CCSER1: variants seen among roughly 807,000 people sequenced by gnomAD.
CCSER1 encodes the protein serine-rich coiled-coil domain-containing protein 1.
In CCSER1, 41 loss-of-function variants were observed where a neutral mutation model predicts 82.0. That is an observed-to-expected ratio of 0.50 (90% CI 0.39 to 0.65). The LOEUF is 0.65. Among genes scored for constraint, CCSER1 ranks in the 30% least tolerant of loss-of-function variants. CCSER1 has a pLI of 0.00. For missense variants in CCSER1, 1,119 were observed against 1,064.2 expected (o/e 1.05, Z -0.72); for synonymous variants, 414 against 383.9 (o/e 1.08, Z -0.92).
chr4:90,937,480 A>AACACACACACACACACACACAC lies in CCSER1; in HGVS notation c.2172+14035_2172+14056dup, dbSNP rs148799317. 2.0e-3 allele frequency among the ~76,000 whole-genome samples: 286 copies of AACACACACACACACACACACAC among 146,134 alleles called. 2 individuals are homozygous for AACACACACACACACACACACAC. The highest frequency in any genetic ancestry group is 6.0e-3 in the Admixed American group (88 of 14,772). On this transcript the variant is annotated intron_variant, in intron 9 of 10. Coordinates refer to ENST00000509176, the MANE Select transcript of CCSER1 (RefSeq NM_001145065.2). ...ACGTCGTGTTGTATTTCTAATTTGA[A>AACACACACACACACACACACAC]ACACACACACACACACACACACAAA...
chr4:91,296,987 C>G (rs1255971522), intron 10 of CCSER1, among the ~76,000 whole-genome samples: 2 of 150,890 alleles, frequency 1.3e-5, no homozygotes, highest in Admixed American at 6.6e-5. Flanking sequence ...TAAAAAAAAA[C>G]AGGACAAGAT....
chr4:90,811,983 T>TATAAACACACACACACAC (rs1554019020), intron 7 of CCSER1, among the ~76,000 whole-genome samples: 1 of 124,574 alleles, frequency 8.0e-6, no homozygotes, highest in Non-Finnish European at 1.7e-5. Context: ...TATATATATA[T>TATAAACACACACACACAC]ATATATAAAC....
intron 5 of CCSER1, among the ~76,000 whole-genome samples, chr4:90,563,851 G>A (rs1430810406): frequency 6.6e-6 from 1 of 152,070 alleles, no homozygotes; most frequent in Admixed American, 6.5e-5. Context: ...ATTTTTTGAG[G>A]AGATTCCATA....
chr4:91,135,985 A>G (rs1728433011), intron 10 of CCSER1, among the ~76,000 whole-genome samples: 1 of 152,220 alleles, frequency 6.6e-6, no homozygotes, highest in East Asian at 1.9e-4. Context: ...GTTGCCAGAC[A>G]TGAAAATTTT....
intron 10 of CCSER1, among the ~76,000 whole-genome samples, chr4:91,558,677 A>C (rs1183275986): frequency 6.6e-6 from 1 of 151,570 alleles, no homozygotes; most frequent in Non-Finnish European, 1.5e-5. Context: ...GTGGCAAGAG[A>C]AAAATGAGAA....
chr4:90,944,700 T>C (rs902108014), intron 9 of CCSER1, among the ~76,000 whole-genome samples: 5 of 152,222 alleles, frequency 3.3e-5, no homozygotes, highest in African/African-American at 4.8e-5. Context: ...AATAAGTCCT[T>C]AACCTGGGAC....
intron 9 of CCSER1, among the ~76,000 whole-genome samples, chr4:90,970,155 A>G (rs942726138): frequency 1.3e-5 from 2 of 151,850 alleles, no homozygotes; most frequent in African/African-American, 4.8e-5. Flanking sequence ...AAAAATAGAT[A>G]GAGTGGGTGA....
intron 4 of CCSER1, among the ~76,000 whole-genome samples, chr4:90,457,957 G>A (rs371653036): frequency 6.6e-6 from 1 of 152,118 alleles, no homozygotes. Flanking sequence ...AGAGGGGCTC[G>A]AGACAGCAGG....
At chr4:90,155,700 G>C (rs1252647416) in intron 1 of CCSER1, among the ~76,000 whole-genome samples, 10 of 152,144 alleles carry the variant, frequency 6.6e-5, no homozygotes, top group Non-Finnish European at 1.5e-4. Context: ...ATGGTAGTTT[G>C]TATTTCTGTG....
chr4:90,714,793 A>G (rs1025825293), intron 6 of CCSER1, among the ~76,000 whole-genome samples: 2 of 152,062 alleles, frequency 1.3e-5, no homozygotes, highest in African/African-American at 4.8e-5. Context: ...AACCAATACC[A>G]CTATCAATAA....
At chr4:90,872,155 CATTTGG>C (rs1766605542) in intron 8 of CCSER1, among the ~76,000 whole-genome samples, 2 of 151,456 alleles carry the variant, frequency 1.3e-5, no homozygotes, top group Admixed American at 1.3e-4. Context: ...GAGTTTAGTC[CATTTGG>C]ATTCAATGTT....
intron 10 of CCSER1, among the ~76,000 whole-genome samples, chr4:91,540,541 A>C (rs1578736226): frequency 6.6e-6 from 1 of 152,158 alleles, no homozygotes; most frequent in Non-Finnish European, 1.5e-5. Flanking sequence ...TTTGCAAAGC[A>C]AAAGTTTTTA....
chr4:91,312,281 C>T (rs1401104334), intron 10 of CCSER1, among the ~76,000 whole-genome samples: 1 of 151,560 alleles, frequency 6.6e-6, no homozygotes, highest in Non-Finnish European at 1.5e-5. Context: ...CTGTTTTATT[C>T]AGCAGGACTT....
At chr4:91,332,230 TAAAAC>T (rs1026182314) in intron 10 of CCSER1, among the ~76,000 whole-genome samples, 103 of 152,096 alleles carry the variant, frequency 6.8e-4, no homozygotes, top group African/African-American at 2.3e-3. Context: ...GAAAAATTCT[TAAAAC>T]AAAATCATGT....
At chr4:90,217,424 T>A (rs12641481) in intron 1 of CCSER1, among the ~76,000 whole-genome samples, 93,284 of 151,968 alleles carry the variant, frequency 0.61, 30,031 homozygotes, top group East Asian at 0.83. Flanking sequence ...GTCTCAAAAC[T>A]CCTGACCTTG....
Position 90,930,943 on chromosome 4 carries a change from CAT to C in CCSER1, c.2172+7497_2172+7498del, listed in dbSNP as rs1491558322. On this transcript the variant is annotated intron_variant, in intron 9 of 10. Transcript: ENST00000509176. ...ATATATATATATATATATATATACACATGACATATATATACATACATGATACA... is the reference window on the plus strand; with the variant it reads ...ATATATATATATATATATATATACACGACATATATATACATACATGATACA... Among the ~76,000 whole-genome samples the C allele has an allele frequency of 7.3e-4, 84 of 114,522 alleles. 1 individual carries two copies. The highest frequency in any genetic ancestry group is 2.0e-3 in the African/African-American group (67 of 33,806). The allele number at this position is 114,522 out of a possible 152,430, so 75.1% of individuals were successfully genotyped here. A position where few individuals can be genotyped will look rare whatever the true frequency, so the allele number is the denominator to read the frequency against.
chr4:90,404,844 G>T (rs776414096), intron 4 of CCSER1, among the ~76,000 whole-genome samples: 2 of 152,130 alleles, frequency 1.3e-5, no homozygotes, highest in Non-Finnish European at 2.9e-5. Context: ...CACTCTGTGG[G>T]ACAAAAGAAT....
intron 10 of CCSER1, among the ~76,000 whole-genome samples, chr4:91,341,749 G>T (rs1196613492): frequency 6.6e-6 from 1 of 152,086 alleles, no homozygotes; most frequent in Non-Finnish European, 1.5e-5. Context: ...CACCATGTTG[G>T]CCAGTCTGGT....
At chr4:90,307,597 A>G (rs947931862) in intron 1 of CCSER1, among the ~76,000 whole-genome samples, 8 of 151,858 alleles carry the variant, frequency 5.3e-5, no homozygotes, top group Non-Finnish European at 1.2e-4. Flanking sequence ...ATGAATACAT[A>G]TGTAACTAAC....
Sources: gnomAD v4.1 joint callset for allele counts (sites outside exome capture counted in the v4.1 genomes callset) on GRCh38, gnomAD v4.1.1 for gene constraint, MANE v1.5 for transcripts, NCBI Gene and HGNC (gene_info 2026-07-23, HGNC 2026-07-21) for gene names.